PIK3R5: variants seen among roughly 807,000 people sequenced by gnomAD.
PIK3R5 encodes phosphoinositide-3-kinase regulatory subunit 5.
In PIK3R5, 32 loss-of-function variants were observed where a neutral mutation model predicts 94.9. That is an observed-to-expected ratio of 0.34 (90% CI 0.25 to 0.45). The LOEUF is 0.45. Ranked by LOEUF, PIK3R5 falls within the 20% of genes least tolerant of loss-of-function variation. The pLI, the probability that PIK3R5 is intolerant of heterozygous loss-of-function variation, is 1.00. For synonymous variants in PIK3R5, 443 were observed against 479.4 expected, an observed-to-expected ratio of 0.92 and a Z score of 0.99; for missense variants, 853 against 1,144.6, an observed-to-expected ratio of 0.75 and a Z score of 3.68.
chr17:8,923,908 T>TCCCCTCCCCG (rs2090806047), intron 1 of PIK3R5, among the ~76,000 whole-genome samples: 1 of 33,238 alleles, frequency 3.0e-5, no homozygotes, highest in Non-Finnish European at 5.7e-5. Context: ...TCCCCTCCCC[T>TCCCCTCCCCG]TCCCTTCCCT....
rs1298718164 is a variant in PIK3R5 at position 8,888,047 on chromosome 17, T to TAATA, written c.1616+123_1616+124insTATT. 1 of 304,422 alleles carries TAATA rather than the reference T, an allele frequency of 3.3e-6. No individual in the cohort carries two copies. Among genetic ancestry groups the TAATA allele is most frequent in the African/African-American group, 2.4e-5 (1 of 41,282 alleles). The allele number at this position is 304,422 out of a possible 1,614,324, so 18.9% of individuals were successfully genotyped here. ...ATAATAATAATAATAATAATAATAATAAAATAAAAATAAATAAGGGAACTT... is the reference window on the plus strand; with the variant it reads ...ATAATAATAATAATAATAATAATAATAATAAAAATAAAAATAAATAAGGGAACTT... On this transcript the variant is annotated intron_variant, in intron 10 of 18. Transcript: ENST00000447110. The surrounding 1 kb of genome is among the most constrained non-coding windows in gnomAD (Gnocchi z 7.8).
Position 8,925,607 on chromosome 17 carries a change from C to A in PIK3R5, c.-13-14100G>T, listed in dbSNP as rs2090869613. Among the ~76,000 whole-genome samples, 1 of 152,110 alleles carries A rather than the reference C, an allele frequency of 6.6e-6. No individual in the cohort carries two copies. On this transcript the variant is annotated intron_variant, in intron 1 of 18. Transcript: ENST00000447110. The surrounding 1 kb of genome is among the most constrained non-coding windows in gnomAD (Gnocchi z 5.1). ...CACATGCATACAATCCAAACTGAAA[C>A]CAACACTGACAAGCCAGAATGAGGG... is the stretch of plus-strand genomic sequence containing the variant.
At position 8,888,605 on chromosome 17, in the gene PIK3R5, G is replaced by A. The variant is rs1412912390; in HGVS notation, c.1182C>T (p.Asp394=). 4 of 1,612,260 alleles carry A rather than the reference G, an allele frequency of 2.5e-6. No homozygotes were observed. The highest frequency in any genetic ancestry group is 1.7e-5 in the Admixed American group (1 of 59,962). Residue 394 remains aspartate, a synonymous_variant, in exon 10 of 19, where the codon GAC becomes GAT. Transcript: ENST00000447110. The surrounding 1 kb of genome is among the most constrained non-coding windows in gnomAD (Gnocchi z 7.8). Reference sequence around the variant, plus strand: ...GCCACTCGGAGGAGCTCTCCTCGCTGTCCTCCACGTAGCCGCTGTCCATGC... The same window carrying A: ...GCCACTCGGAGGAGCTCTCCTCGCTATCCTCCACGTAGCCGCTGTCCATGC... ...SDGMDSGYVE[D]SEESSSEWPW...
intron 1 of PIK3R5, among the ~76,000 whole-genome samples, chr17:8,929,528 C>T (rs181841695): frequency 6.6e-6 from 1 of 152,106 alleles, no homozygotes; most frequent in African/African-American, 2.4e-5. Context: ...TGTGTTCACA[C>T]CAAAAAGATA....
At chr17:8,964,042 C>T (rs1054624028) in intron 1 of PIK3R5, among the ~76,000 whole-genome samples, 2 of 152,240 alleles carry the variant, frequency 1.3e-5, no homozygotes, top group African/African-American at 4.8e-5. Context: ...GTTCTACAAA[C>T]ATCCACGGAG....
At chr17:8,936,444 ATTC>A (rs1166569431) in intron 1 of PIK3R5, among the ~76,000 whole-genome samples, 1 of 152,192 alleles carries the variant, frequency 6.6e-6, no homozygotes, top group Non-Finnish European at 1.5e-5. Context: ...TCTGGTAGCC[ATTC>A]TTCTTTTTTA....
chr17:8,923,588 C>T (rs1369038676), intron 1 of PIK3R5, among the ~76,000 whole-genome samples: 1 of 152,156 alleles, frequency 6.6e-6, no homozygotes, highest in Admixed American at 6.5e-5. Context: ...AGCTGGGAAA[C>T]CAGAGGAAGA....
At position 8,944,814 on chromosome 17, in the gene PIK3R5, G is replaced by A. The variant is rs145397608; in HGVS notation, c.-14+20782C>T. 5.6e-3 allele frequency among the ~76,000 whole-genome samples: 854 copies of A among 152,240 alleles called. 10 individuals carry two copies. The highest frequency in any genetic ancestry group is 0.019 in the African/African-American group (786 of 41,536). On this transcript the variant is annotated intron_variant, in intron 1 of 18. Transcript: ENST00000447110. The stretch of plus-strand genomic sequence containing the variant: ...GGACCCTCCTATATCTAGCCATCCT[G>A]GAACTTTGTGATAGTGGCACACAGG...
Position 8,886,493 on chromosome 17 carries a change from T to G in PIK3R5, c.2018A>C (p.Gln673Pro). Residue 673 changes from glutamine to proline, a missense_variant, in exon 13 of 19, where the codon CAA becomes CCA. Physicochemically the swap from Gln to Pro is moderately conservative, Grantham distance 76. This residue lies in a region of PIK3R5 where 173 missense variants were observed against 274.1 expected (regional missense o/e 0.63). Coordinates refer to ENST00000447110, the MANE Select transcript of PIK3R5 (RefSeq NM_001142633.3). ...AGGCCTTACCTCGGTCTGATAGACT[T>G]GCAGCAGCACCGGTCTGGCGGCAAA... ...CRFAARPVLL[Q>P]VYQTELTFIT... The G allele has an allele frequency of 6.2e-7, 1 of 1,607,312 alleles. No individual in the cohort carries two copies. Among genetic ancestry groups the G allele is most frequent in the Non-Finnish European group, 8.5e-7 (1 of 1,176,434 alleles).
At chr17:8,886,409 G>A (rs2089858808) in intron 13 of PIK3R5, 68 bp downstream of exon 13, 3 of 1,601,224 alleles carry the variant, frequency 1.9e-6, no homozygotes, top group Admixed American at 3.4e-5. Flanking sequence ...TGGCTCTCCC[G>A]GGGCAGGGGT....
intron 1 of PIK3R5, among the ~76,000 whole-genome samples, chr17:8,948,575 C>T (rs1394560837): frequency 4.6e-5 from 7 of 152,140 alleles, no homozygotes; most frequent in Non-Finnish European, 1.0e-4. Flanking sequence ...TGCTCCGCTT[C>T]ATTAGTCAGA....
chr17:8,886,780 ACCTGACCCACTGG>A (rs1567634288), intron 12 of PIK3R5, among the ~76,000 whole-genome samples, 175 bp from the exon 13 acceptor site: 1 of 152,158 alleles, frequency 6.6e-6, no homozygotes, highest in African/African-American at 2.4e-5. Flanking sequence ...CATGCCCCTC[ACCTGACCCACTGG>A]CCTCCAGGGA....
intron 1 of PIK3R5, among the ~76,000 whole-genome samples, chr17:8,949,661 G>A (rs1460511347): frequency 6.6e-6 from 1 of 152,196 alleles, no homozygotes. Flanking sequence ...AGTAACTCAG[G>A]AATGGAAAAC....
At chr17:8,917,618 C>A (rs1488004436) in intron 1 of PIK3R5, among the ~76,000 whole-genome samples, 1 of 152,206 alleles carries the variant, frequency 6.6e-6, no homozygotes, top group African/African-American at 2.4e-5. Context: ...GTAATCCCAG[C>A]ACTTTGGGAG....
intron 2 of PIK3R5, among the ~76,000 whole-genome samples, chr17:8,910,359 C>T (rs1252026432): frequency 2.0e-5 from 3 of 152,186 alleles, no homozygotes; most frequent in Non-Finnish European, 4.4e-5. Flanking sequence ...ATAGCCCTCT[C>T]CCCAGCCCTA....
rs2089980354 is a variant in PIK3R5, at chr17:8,889,900, T to C, written c.811+73A>G. The C allele has an allele frequency of 3.2e-6, 5 of 1,549,618 alleles. No homozygotes were observed. In the African/African-American group the frequency reaches 6.8e-5, roughly 21 times the overall value. On this transcript the variant is annotated intron_variant, in intron 8 of 18. Coordinates refer to ENST00000447110, the MANE Select transcript of PIK3R5 (RefSeq NM_001142633.3). This position sits in a 1 kb window ranked among gnomAD's most constrained non-coding sequence, Gnocchi z 4.1. ...GTGGAGCAGAGCCACCAGGCCCGCC[T>C]GGACCGTGCACCTTGGGACCTAGAA...
At position 8,887,141 on chromosome 17, in the gene PIK3R5, G is replaced by A; in HGVS notation, c.1860C>T (p.Arg620=). 1 of 1,614,040 alleles carries A rather than the reference G, an allele frequency of 6.2e-7. No homozygotes were observed. Among genetic ancestry groups the A allele is most frequent in the Non-Finnish European group, 8.5e-7 (1 of 1,180,008 alleles). Residue 620 remains arginine (R), a synonymous_variant, in exon 12 of 19, where the codon CGC becomes CGT. Transcript: ENST00000447110. The part of the protein sequence containing the change: ...YLGMLDPWYE[R]NVLGLMHLPP... ...GCAGGTGCATGAGGCCCAGTACATTGCGCTCATACCAGGGGTCCAGCATGC... is the reference window on the plus strand; with the variant it reads ...GCAGGTGCATGAGGCCCAGTACATTACGCTCATACCAGGGGTCCAGCATGC...
intron 1 of PIK3R5, among the ~76,000 whole-genome samples, chr17:8,927,642 C>A (rs1247167189): frequency 6.6e-6 from 1 of 152,192 alleles, no homozygotes; most frequent in Non-Finnish European, 1.5e-5. Context: ...TGTAAGGAGG[C>A]ACTCCTACCG....
rs1051849989 is a variant in PIK3R5 at position 8,882,295 on chromosome 17, C to T, written c.2206-414G>A. The T allele has an allele frequency of 9.9e-6, 2 of 202,652 alleles. No homozygotes were observed. The highest frequency in any genetic ancestry group is 2.3e-4 in the East Asian group (2 of 8,878). The allele number at this position is 202,652 out of a possible 1,614,324, so 12.6% of individuals were successfully genotyped here. On this transcript the variant is annotated intron_variant, in intron 15 of 18. Transcript: ENST00000447110. The surrounding 1 kb of genome is among the most constrained non-coding windows in gnomAD (Gnocchi z 4.1). ...ACCTCCATGTTGTTAAACCGAAGAA[C>T]ACTTCTTGGTCCTCAGCTTACTTGA...
Sources: allele counts gnomAD v4.1 joint callset (sites outside exome capture counted in the v4.1 genomes callset), GRCh38; gene constraint gnomAD v4.1.1; regional missense constraint gnomAD v4.1.1; non-coding constraint Gnocchi (gnomAD v3.1); transcripts MANE v1.5; gene names NCBI Gene and HGNC (gene_info 2026-07-23, HGNC 2026-07-21).